The following UNC5C variants were observed in gnomAD, a reference collection of about 807,000 sequenced individuals.
UNC5C encodes the protein unc-5 netrin receptor C.
In UNC5C, 47 loss-of-function variants were observed where a neutral mutation model predicts 99.8. That is an observed-to-expected ratio of 0.47 (90% confidence interval 0.37 to 0.60). The LOEUF is 0.60. Ranked by LOEUF, UNC5C falls within the 20% of genes least tolerant of loss-of-function variation. The pLI is 0.00. For missense variants in UNC5C, 1,062 were observed against 1,165.9 expected (o/e 0.91, Z 1.30); for synonymous variants, 487 against 452.2 (o/e 1.08, Z -0.98).
chr4:95,296,340 G>C (rs908590265), intron 3 of UNC5C, among the ~76,000 whole-genome samples: 1 of 152,090 alleles, frequency 6.6e-6, no homozygotes, highest in Admixed American at 6.5e-5. Context: ...GGGTGAAAAG[G>C]TACCTTGGAT....
chr4:95,415,619 G>A (rs538286497), intron 1 of UNC5C, among the ~76,000 whole-genome samples: 51 of 152,162 alleles, frequency 3.4e-4, no homozygotes, highest in African/African-American at 8.2e-4. Context: ...TCTGGTTTTC[G>A]TAAGTTTGAT....
intron 1 of UNC5C, among the ~76,000 whole-genome samples, chr4:95,422,360 A>G (rs1746343783): frequency 6.6e-6 from 1 of 152,218 alleles, no homozygotes; most frequent in South Asian, 2.1e-4. Context: ...TATCACTCCC[A>G]TCATTAATTT....
At chr4:95,224,603 AATTCATTCATTC>A (rs35707866) in intron 7 of UNC5C, among the ~76,000 whole-genome samples, 2 of 150,856 alleles carry the variant, frequency 1.3e-5, no homozygotes, top group African/African-American at 4.9e-5. Flanking sequence ...ACAGAATTGG[AATTCATTCATTC>A]ATTCATTCAT....
chr4:95,236,058 A>G (rs895986104), intron 7 of UNC5C, among the ~76,000 whole-genome samples: 5 of 152,206 alleles, frequency 3.3e-5, no homozygotes, highest in African/African-American at 1.2e-4. Flanking sequence ...TAGAAATACC[A>G]TTTGACCCAA....
intron 9 of UNC5C, among the ~76,000 whole-genome samples, chr4:95,218,438 A>T (rs1432825424): frequency 6.6e-6 from 1 of 152,214 alleles, no homozygotes; most frequent in East Asian, 1.9e-4. Flanking sequence ...CAAATATCAG[A>T]GGTAGGAGTG....
chr4:95,274,843 T>C (rs761175851), intron 4 of UNC5C, among the ~76,000 whole-genome samples: 1 of 151,982 alleles, frequency 6.6e-6, no homozygotes. Flanking sequence ...CTGGCCAACA[T>C]AGTGAAACCC....
At chr4:95,278,410 T>C (rs1383913464) in intron 3 of UNC5C, 48 bp from the exon 4 acceptor site, 2 of 1,510,738 alleles carry the variant, frequency 1.3e-6, no homozygotes, top group Non-Finnish European at 1.8e-6. Context: ...AACAACATTT[T>C]CTCATTTACA....
Position 95,267,949 on chromosome 4 carries a change from A to ATTTTTTTTT in UNC5C, c.594+10301_594+10309dup, listed in dbSNP as rs869293955. 6.4e-3 allele frequency among the ~76,000 whole-genome samples: 750 copies of ATTTTTTTTT among 117,496 alleles called. 7 individuals carry two copies. Among genetic ancestry groups the ATTTTTTTTT allele is most frequent in the Non-Finnish European group, 9.3e-3 (553 of 59,760 alleles). The allele number at this position is 117,496 out of a possible 152,430, so 77.1% of individuals were successfully genotyped here. ...ATGATCCTGTAGGCTGAATTTTGTG[A>ATTTTTTTTT]TTTTTTTTTTTTTTTTTTGAGACGG... On this transcript the variant is annotated intron_variant, in intron 4 of 15. Transcript: ENST00000453304.
At chr4:95,362,409 A>G (rs1260525263) in intron 1 of UNC5C, among the ~76,000 whole-genome samples, 1 of 152,128 alleles carries the variant, frequency 6.6e-6, no homozygotes, top group Non-Finnish European at 1.5e-5. Flanking sequence ...GTTCATGGCC[A>G]TCTTGATGTG....
At chr4:95,196,315 A>G (rs1737381477) in intron 12 of UNC5C, among the ~76,000 whole-genome samples, 1 of 152,204 alleles carries the variant, frequency 6.6e-6, no homozygotes, top group South Asian at 2.1e-4. Flanking sequence ...CCTTTTCAAT[A>G]GACTTGACCT....
At chr4:95,398,864 G>C (rs181241361) in intron 1 of UNC5C, among the ~76,000 whole-genome samples, 164 of 152,272 alleles carry the variant, frequency 1.1e-3, no homozygotes, top group African/African-American at 3.7e-3. Flanking sequence ...TGGAGTTGCT[G>C]TAGAGAGCTT....
At position 95,480,731 on chromosome 4, in the gene UNC5C, C is replaced by T. The variant is rs543587227; in HGVS notation, c.124+68003G>A. Reference sequence around the variant, plus strand: ...ACGCAAATCAATAAATGTAATCCAGCATATAAACAAAACAAAAGAAAAAAA... The same window carrying T: ...ACGCAAATCAATAAATGTAATCCAGTATATAAACAAAACAAAAGAAAAAAA... On this transcript the variant is annotated intron_variant, in intron 1 of 15. Coordinates refer to ENST00000453304, the MANE Select transcript of UNC5C (RefSeq NM_003728.4). Among the ~76,000 whole-genome samples, 21 of 151,940 alleles carry T rather than the reference C, an allele frequency of 1.4e-4. No homozygotes were observed. In the South Asian group the frequency reaches 2.1e-3, roughly 15 times the overall value.
chr4:95,537,602 A>T (rs1722814306), intron 1 of UNC5C, among the ~76,000 whole-genome samples: 1 of 152,198 alleles, frequency 6.6e-6, no homozygotes, highest in African/African-American at 2.4e-5. Flanking sequence ...CTTTCAGATG[A>T]TTGAAATGAA....
At chr4:95,346,531 C>T (rs920555516) in intron 1 of UNC5C, among the ~76,000 whole-genome samples, 2 of 151,928 alleles carry the variant, frequency 1.3e-5, no homozygotes, top group Non-Finnish European at 2.9e-5. Context: ...CAAAAATCAT[C>T]AACAAACTAG....
At chr4:95,482,067 A>G (rs1461441757) in intron 1 of UNC5C, among the ~76,000 whole-genome samples, 1 of 152,210 alleles carries the variant, frequency 6.6e-6, no homozygotes, top group Non-Finnish European at 1.5e-5. Context: ...CAGAGTGAAC[A>G]GGCAACCTAC....
At chr4:95,489,358 T>TA (rs1204865736) in intron 1 of UNC5C, among the ~76,000 whole-genome samples, 7 of 151,498 alleles carry the variant, frequency 4.6e-5, no homozygotes, top group Non-Finnish European at 7.4e-5. Flanking sequence ...GTGATAGTGA[T>TA]TGCGGCAGAA....
At chr4:95,300,261 G>C (rs545900750) in intron 3 of UNC5C, among the ~76,000 whole-genome samples, 1 of 152,220 alleles carries the variant, frequency 6.6e-6, no homozygotes, top group Non-Finnish European at 1.5e-5. Flanking sequence ...GGCTCTGCAA[G>C]CTGCAGCCTC....
At position 95,442,194 on chromosome 4, in the gene UNC5C, ATTGT is replaced by A. The variant is rs140115607; in HGVS notation, c.124+106536_124+106539del. Reference sequence around the variant, plus strand: ...TCTTGAAGGACCCTACTGTTTTTTGATTGTTTGTTTATTTGTTTGTTTGTTTTGA... The same window carrying A: ...TCTTGAAGGACCCTACTGTTTTTTGATTGTTTATTTGTTTGTTTGTTTTGA... On this transcript the variant is annotated intron_variant, in intron 1 of 15. Transcript: ENST00000453304. Among the ~76,000 whole-genome samples the A allele has an allele frequency of 1.1e-3, 160 of 151,618 alleles. 4 individuals are homozygous for A. In the East Asian group the frequency reaches 0.023, roughly 22 times the overall value.
rs549674949 is a variant in UNC5C, at chr4:95,408,738, C to T, written c.125-73107G>A. Among the ~76,000 whole-genome samples, 4 of 152,190 alleles carry T rather than the reference C, an allele frequency of 2.6e-5. No homozygotes were observed. The South Asian group carries it at 6.2e-4, about 24-fold the overall frequency. On this transcript the variant is annotated intron_variant, in intron 1 of 15. Transcript: ENST00000453304. ...TTTATTTCTGGGTTTACATTATACA[C>T]AAGAGAGCAGAAAATATATACAAGA...
Sources: allele counts gnomAD v4.1 joint callset (sites outside exome capture counted in the v4.1 genomes callset), GRCh38; gene constraint gnomAD v4.1.1; transcripts MANE v1.5; gene names NCBI Gene and HGNC (gene_info 2026-07-23, HGNC 2026-07-21).